The following CLASRP variants were observed in gnomAD, a reference collection of about 807,000 sequenced individuals.
CLASRP encodes CLK4 associating serine/arginine rich protein, also known as CLK4-associating serine/arginine rich protein.
Under a neutral mutation model 99.9 loss-of-function variants are expected in CLASRP, and 52 were observed. The observed-to-expected ratio is 0.52, with a 90% confidence interval of 0.42 to 0.66. The LOEUF (loss-of-function observed/expected upper bound fraction) is 0.66, where lower values mean the gene tolerates loss of function less well. Ranked by LOEUF, CLASRP falls within the 30% of genes least tolerant of loss-of-function variation. The pLI, the probability that CLASRP is intolerant of heterozygous loss-of-function variation, is 0.00. For synonymous variants in CLASRP, 379 were observed against 373.0 expected (o/e 1.02, Z -0.18); for missense variants, 848 against 999.2 (o/e 0.85, Z 2.04).
At position 45,052,143 on chromosome 19, in the gene CLASRP, C is replaced by T. The variant is rs778414624; in HGVS notation, c.172C>T (p.Leu58=). The change falls in exon 3 of 21, where the codon CTG becomes TTG. Residue 58 remains leucine (L), a synonymous_variant. Coordinates refer to ENST00000221455, the MANE Select transcript of CLASRP (RefSeq NM_007056.3). ...CKVHLDSAVA[L]AAESPVNMMP... ...GGTGCACCTGGATTCTGCAGTCGCCCTGGCCGCTGAGAGCCCTGTTAATAT... is the reference window on the plus strand; with the variant it reads ...GGTGCACCTGGATTCTGCAGTCGCCTTGGCCGCTGAGAGCCCTGTTAATAT... 25 of 1,613,874 alleles carry T rather than the reference C, an allele frequency of 1.5e-5. No individual in the cohort carries two copies. The highest frequency in any genetic ancestry group is 2.1e-5 in the Non-Finnish European group (25 of 1,180,004).
rs1027320499 is a variant in CLASRP, at chr19:45,060,850, G to A, written c.863+223G>A. 1.6e-4 allele frequency among the ~76,000 whole-genome samples: 24 copies of A among 152,192 alleles called. No homozygotes were observed. The highest frequency in any genetic ancestry group is 5.5e-4 in the African/African-American group (23 of 41,456). ...CCTCCCCTCACCCTACTGGACTGGG[G>A]GCCCTTGCCAGACTCCCAGGAGCCC... On this transcript the variant is annotated intron_variant, in intron 10 of 20. Coordinates refer to ENST00000221455, the MANE Select transcript of CLASRP (RefSeq NM_007056.3). The surrounding 1 kb of genome is among the most constrained non-coding windows in gnomAD (Gnocchi z 4.6).
Position 45,065,648 on chromosome 19 carries a change from T to C in CLASRP, c.1409+1018T>C, listed in dbSNP as rs143339355. On this transcript the variant is annotated intron_variant, in intron 13 of 20. Coordinates refer to ENST00000221455, the MANE Select transcript of CLASRP (RefSeq NM_007056.3). ...GGATGGTTTAGAAAATAAAGTCACCTGGGGACTGGTCCACCCCCTTCCGGT... is the reference window on the plus strand; with the variant it reads ...GGATGGTTTAGAAAATAAAGTCACCCGGGGACTGGTCCACCCCCTTCCGGT... 9.3e-5 allele frequency among the ~76,000 whole-genome samples: 14 copies of C among 150,998 alleles called. No individual in the cohort carries two copies. In the East Asian group the frequency reaches 2.8e-3, roughly 31 times the overall value.
chr19:45,061,855 G>A (rs1966946819), intron 10 of CLASRP, among the ~76,000 whole-genome samples: 1 of 151,912 alleles, frequency 6.6e-6, no homozygotes, highest in East Asian at 1.9e-4. Flanking sequence ...AGGATTGGGA[G>A]GAGGGATGCT....
intron 6 of CLASRP, among the ~76,000 whole-genome samples, chr19:45,056,807 G>C (rs1198074917): frequency 1.3e-5 from 2 of 152,226 alleles, no homozygotes; most frequent in Non-Finnish European, 2.9e-5. Flanking sequence ...AGTCCTGGCT[G>C]TGAGGCCCTG....
At chr19:45,050,694 GTGTTTTGTTT>G (rs376024218) in intron 2 of CLASRP, among the ~76,000 whole-genome samples, 7 of 151,954 alleles carry the variant, frequency 4.6e-5, no homozygotes, top group African/African-American at 9.7e-5. Flanking sequence ...GTCACTACTT[GTGTTTTGTTT>G]TGTTTTGTTT....
At chr19:45,068,951 C>T in intron 16 of CLASRP, 115 bp from the exon 17 acceptor site, 6 of 968,976 alleles carry the variant, frequency 6.2e-6, no homozygotes, top group Non-Finnish European at 9.5e-6. Context: ...GATCACGCCA[C>T]TGCACTCCAG....
intron 13 of CLASRP, among the ~76,000 whole-genome samples, chr19:45,065,289 CT>C (rs893599266): frequency 2.6e-5 from 4 of 151,108 alleles, no homozygotes; most frequent in African/African-American, 9.8e-5. Context: ...ACTTGAGAGG[CT>C]GAGGCAGGAG....
intron 11 of CLASRP, among the ~76,000 whole-genome samples, chr19:45,063,713 G>A (rs1384230413): frequency 6.6e-6 from 1 of 152,076 alleles, no homozygotes; most frequent in Non-Finnish European, 1.5e-5. Context: ...GCCTCCCACA[G>A]TGCTGGGATT....
Position 45,067,188 on chromosome 19 carries a change from C to A in CLASRP, c.1410-149C>A. The A allele has an allele frequency of 1.0e-6, 1 of 955,222 alleles. No homozygotes were observed. The highest frequency in any genetic ancestry group is 1.5e-6 in the Non-Finnish European group (1 of 666,644). The allele number at this position is 955,222 out of a possible 1,614,324, so 59.2% of individuals were successfully genotyped here. A position where few individuals can be genotyped will look rare whatever the true frequency, so the allele number is the denominator to read the frequency against. ...GGGAGGCCGGAATGCCGCTCTGGGA[C>A]ATTTTGGAGGGAGAGTAGCAGGAGA... On this transcript the variant is annotated intron_variant, in intron 13 of 20. Coordinates refer to ENST00000221455, the MANE Select transcript of CLASRP (RefSeq NM_007056.3). The surrounding 1 kb of genome is among the most constrained non-coding windows in gnomAD (Gnocchi z 4.9).
At chr19:45,049,740 C>G (rs915682271) in intron 2 of CLASRP, among the ~76,000 whole-genome samples, 5 of 152,116 alleles carry the variant, frequency 3.3e-5, no homozygotes, top group African/African-American at 1.2e-4. Flanking sequence ...ATTGGGTGTT[C>G]TCAAGCGCCT....
chr19:45,069,509 T>C, intron 18 of CLASRP: 1 of 583,806 alleles, frequency 1.7e-6, no homozygotes, highest in South Asian at 2.0e-5. Flanking sequence ...CTTTGCTGTT[T>C]TTTTGGCCTG....
At chr19:45,062,746 T>G (rs1296492576) in intron 11 of CLASRP, among the ~76,000 whole-genome samples, 3 of 152,192 alleles carry the variant, frequency 2.0e-5, no homozygotes, top group Non-Finnish European at 1.5e-5. Flanking sequence ...CAGTGCAGCC[T>G]TGTGGTAAAA....
intron 13 of CLASRP, among the ~76,000 whole-genome samples, chr19:45,066,833 A>T (rs1307988563): frequency 2.0e-5 from 3 of 151,948 alleles, no homozygotes; most frequent in Middle Eastern, 3.4e-3. Context: ...CAGGGAGAGG[A>T]TGGGGTTCCG....
intron 18 of CLASRP, chr19:45,069,727 C>T (rs1600119696): frequency 1.3e-5 from 6 of 467,788 alleles, no homozygotes; most frequent in South Asian, 2.6e-5. Flanking sequence ...GCCACTGTGA[C>T]GGAGACCATT....
intron 16 of CLASRP, 43 bp downstream of exon 16, chr19:45,068,523 T>C (rs10445571): frequency 0.51 from 734,250 of 1,451,602 alleles, 187,948 homozygotes; most frequent in African/African-American, 0.54. Context: ...AGCTCTTCTT[T>C]CCCTTGGCAG....
intron 2 of CLASRP, among the ~76,000 whole-genome samples, chr19:45,045,927 G>A (rs192547074): frequency 1.1e-4 from 17 of 152,316 alleles, no homozygotes; most frequent in African/African-American, 4.1e-4. Context: ...CCCCCTCCCT[G>A]TTAGCAGGGA....
intron 11 of CLASRP, among the ~76,000 whole-genome samples, chr19:45,063,256 C>G (rs1966981486): frequency 6.6e-6 from 1 of 151,608 alleles, no homozygotes; most frequent in African/African-American, 2.4e-5. Flanking sequence ...GTCCTCCCAC[C>G]TGGGCCTTCC....
At chr19:45,070,676 G>A in intron 20 of CLASRP, 115 bp downstream of exon 20, 1 of 1,296,440 alleles carries the variant, frequency 7.7e-7, no homozygotes, top group Non-Finnish European at 1.1e-6. Flanking sequence ...TGGAGGGGCT[G>A]GTCTCATCCC....
intron 16 of CLASRP, among the ~76,000 whole-genome samples, 191 bp from the exon 17 acceptor site, chr19:45,068,875 C>A (rs1282933642): frequency 6.6e-6 from 1 of 151,914 alleles, no homozygotes; most frequent in African/African-American, 2.4e-5. Flanking sequence ...CCTGTAGTCC[C>A]AGCTACTCAG....
Sources: gnomAD v4.1 joint callset for allele counts (sites outside exome capture counted in the v4.1 genomes callset) on GRCh38, gnomAD v4.1.1 for gene constraint, Gnocchi (gnomAD v3.1) non-coding constraint, MANE v1.5 for transcripts, NCBI Gene and HGNC (gene_info 2026-07-23, HGNC 2026-07-21) for gene names.